Variants in JAK1 observed in about 807,000 individuals in gnomAD.
JAK1 encodes the protein Janus kinase 1.
A neutral mutation model predicts 136.6 loss-of-function variants in JAK1; 16 were observed. That is an observed-to-expected ratio of 0.12 (90% CI 0.08 to 0.18). The LOEUF (loss-of-function observed/expected upper bound fraction) is 0.18. JAK1 is among the 10% of genes least tolerant of loss of function. The pLI is 1.00. For synonymous variants in JAK1, 492 were observed against 519.5 expected (o/e 0.95, Z 0.72); for missense variants, 859 against 1,450.1 (o/e 0.59, Z 6.62).
Position 65,012,035 on chromosome 1 carries a change from TGTGTG to T in JAK1, c.-78+32440_-78+32444del, listed in dbSNP as rs762722983. ...CCCAGTTTGGGCGCCTGTTAGCTCCTGTGTGGTGTGAAAGGCACTCAGATGTTCCT... is the reference window on the plus strand; with the variant it reads ...CCCAGTTTGGGCGCCTGTTAGCTCCTGTGTGAAAGGCACTCAGATGTTCCT... On this transcript the variant is annotated intron_variant, in intron 2 of 25. Coordinates refer to the JAK1 transcript ENST00000671954. Among the ~76,000 whole-genome samples, 18 of 152,316 alleles carry T rather than the reference TGTGTG, an allele frequency of 1.2e-4. 1 individual carries two copies. The highest frequency in any genetic ancestry group is 3.3e-4 in the Admixed American group (5 of 15,296).
intron 2 of JAK1, among the ~76,000 whole-genome samples, chr1:65,005,815 G>A (rs79121220): frequency 1.1e-4 from 16 of 152,168 alleles, no homozygotes; most frequent in African/African-American, 3.9e-4. Flanking sequence ...ATTATAAAAT[G>A]TATATGGAAG....
In JAK1 at chr1:64,860,110, T is replaced by G; in HGVS notation, c.1329A>C (p.Pro443=). 1 of 1,575,818 alleles carries G rather than the reference T, an allele frequency of 6.3e-7. No individual in the cohort carries two copies. Among genetic ancestry groups the G allele is most frequent in the African/African-American group, 1.3e-5 (1 of 74,398 alleles). Residue 443 remains proline (P), a synonymous_variant, in exon 9 of 25, where the codon CCA becomes CCC. Transcript: ENST00000342505. ...GATAAGGTTCTAGGACCAACCAGATTGGACCATGACAGCCATTCTGTATGT... is the reference window on the plus strand; with the variant it reads ...GATAAGGTTCTAGGACCAACCAGATGGGACCATGACAGCCATTCTGTATGT... ...VHNIQNGCHG[P]ICTEYAINKL...
rs1262102507 is a variant in JAK1 at position 64,897,543 on chromosome 1, A to G, written c.-77-11202T>C. On this transcript the variant is annotated intron_variant, in intron 1 of 24. Transcript: ENST00000342505. ...GGGAGGGGGAGGGAGGAGGAGGAGG[A>G]GGAGGAGGAGGAGGAGGAGGAGGAG... Among the ~76,000 whole-genome samples the G allele has an allele frequency of 8.5e-3, 2 of 234 alleles. 1 individual carries two copies. The highest frequency in any genetic ancestry group is 0.017 in the Non-Finnish European group (2 of 118). The allele number at this position is 234 out of a possible 152,430, so 0.2% of individuals were successfully genotyped here.
At chr1:65,010,172 ATGGAC>A (rs1477863499) in intron 2 of JAK1, among the ~76,000 whole-genome samples, 2 of 152,180 alleles carry the variant, frequency 1.3e-5, no homozygotes, top group Admixed American at 1.3e-4. Context: ...CCCCTTGGGT[ATGGAC>A]TGGATTTAGT....
At chr1:65,054,182 AT>A (rs1461523644) in intron 1 of JAK1, among the ~76,000 whole-genome samples, 14 of 152,146 alleles carry the variant, frequency 9.2e-5, no homozygotes, top group Non-Finnish European at 1.9e-4. Context: ...AGCCTCAATT[AT>A]TATATTCTTA....
chr1:64,872,629 A>C (rs1183518268), intron 5 of JAK1, among the ~76,000 whole-genome samples: 1 of 152,238 alleles, frequency 6.6e-6, no homozygotes, highest in Non-Finnish European at 1.5e-5. Context: ...TAGCAGGTAC[A>C]AGTGCCTGAG....
intron 2 of JAK1, among the ~76,000 whole-genome samples, chr1:65,004,397 G>T (rs1488147310): frequency 1.3e-5 from 2 of 152,212 alleles, no homozygotes; most frequent in African/African-American, 4.8e-5. Flanking sequence ...TTGGTGCTCT[G>T]CATAGAAACT....
At chr1:64,879,238 C>T (rs2101219013) in intron 3 of JAK1, 90 bp from the exon 4 acceptor site, 1 of 1,450,262 alleles carries the variant, frequency 6.9e-7, no homozygotes, top group Non-Finnish European at 9.5e-7. Context: ...AGATAAGGAA[C>T]TCTCTCATCC....
chr1:64,940,878 T>G (rs1445909776), intron 1 of JAK1, among the ~76,000 whole-genome samples: 4 of 152,184 alleles, frequency 2.6e-5, no homozygotes, highest in Admixed American at 1.3e-4. Flanking sequence ...GTTAAAGTTT[T>G]GGCCAGGCGC....
intron 2 of JAK1, among the ~76,000 whole-genome samples, chr1:65,043,538 TG>T (rs1332874281): frequency 6.6e-6 from 1 of 152,060 alleles, no homozygotes; most frequent in African/African-American, 2.4e-5. Context: ...AGTTTGTTTT[TG>T]TTTTTTGTTT....
intron 1 of JAK1, among the ~76,000 whole-genome samples, chr1:64,895,719 T>C (rs1645004105): frequency 6.6e-6 from 1 of 152,212 alleles, no homozygotes; most frequent in Admixed American, 6.5e-5. Context: ...CCTACAGCCA[T>C]ATAATGGTAC....
chr1:64,982,083 AACAC>A (rs5774736), intron 2 of JAK1, among the ~76,000 whole-genome samples: 124 of 150,530 alleles, frequency 8.2e-4, no homozygotes, highest in African/African-American at 1.0e-3. Context: ...TAAGTTAAAT[AACAC>A]ACACACACAC....
intron 21 of JAK1, 55 bp from the exon 22 acceptor site, chr1:64,838,159 T>C (rs1654611154): frequency 6.8e-7 from 1 of 1,473,348 alleles, no homozygotes; most frequent in East Asian, 2.3e-5. Flanking sequence ...TAGATTGTAT[T>C]ATCTATCACT....
At chr1:64,975,170 G>T (rs1646487696) in intron 2 of JAK1, among the ~76,000 whole-genome samples, 1 of 151,818 alleles carries the variant, frequency 6.6e-6, no homozygotes, top group African/African-American at 2.4e-5. Context: ...AGTGATCATA[G>T]TATACTACAG....
chr1:65,065,918 G>C (rs1648019718), intron 1 of JAK1, among the ~76,000 whole-genome samples: 1 of 149,772 alleles, frequency 6.7e-6, no homozygotes, highest in Non-Finnish European at 1.5e-5. Context: ...CTATTTGCTG[G>C]TTGGTGGGGG....
chr1:64,947,120 A>G (rs1646002052), intron 1 of JAK1, among the ~76,000 whole-genome samples: 1 of 152,212 alleles, frequency 6.6e-6, no homozygotes, highest in African/African-American at 2.4e-5. Context: ...AGATGAAAAG[A>G]GTTCTGGAGA....
At chr1:65,053,535 G>C (rs1466847899) in intron 1 of JAK1, among the ~76,000 whole-genome samples, 4 of 152,154 alleles carry the variant, frequency 2.6e-5, no homozygotes, top group Admixed American at 2.6e-4. Context: ...CAACTGATCT[G>C]AAAGAAATAT....
intron 1 of JAK1, among the ~76,000 whole-genome samples, chr1:64,931,742 A>C (rs1645696729): frequency 6.6e-6 from 1 of 152,146 alleles, no homozygotes; most frequent in African/African-American, 2.4e-5. Context: ...AAAATTACAA[A>C]CTATCGGGAG....
At chr1:64,854,151 G>A (rs1185499910) in intron 11 of JAK1, among the ~76,000 whole-genome samples, 2 of 152,188 alleles carry the variant, frequency 1.3e-5, no homozygotes, top group Non-Finnish European at 2.9e-5. Flanking sequence ...CAAGTTCAGT[G>A]ACAAGCCCCT....
Sources: allele counts gnomAD v4.1 joint callset (sites outside exome capture counted in the v4.1 genomes callset), GRCh38; gene constraint gnomAD v4.1.1; transcripts MANE v1.5; gene names NCBI Gene and HGNC (gene_info 2026-07-23, HGNC 2026-07-21).